Variants in NDRG2 observed in about 807,000 individuals in gnomAD.
NDRG2 encodes NDRG family member 2, also known as protein NDRG2.
A neutral mutation model predicts 58.2 loss-of-function variants in NDRG2; 34 were observed. The ratio of observed to expected loss-of-function variants is 0.58; its 90% CI spans 0.44 to 0.78. NDRG2 has a LOEUF of 0.78. Among genes scored for constraint, NDRG2 ranks in the 30% least tolerant of loss-of-function variants. NDRG2 has a pLI of 0.00. For missense variants in NDRG2, 434 were observed against 471.2 expected, an observed-to-expected ratio of 0.92 and a Z score of 0.73; for synonymous variants, 187 against 175.9, an observed-to-expected ratio of 1.06 and a Z score of -0.50.
chr14:21,037,068 T>C (rs1008498190), intron 1 of NDRG2, among the ~76,000 whole-genome samples: 8 of 152,088 alleles, frequency 5.3e-5, no homozygotes, highest in Non-Finnish European at 1.0e-4. Context: ...TTTTTATACC[T>C]TTTGTTCTTC....
At chr14:21,043,085 G>A (rs372394476) in intron 1 of NDRG2, 3 of 1,614,060 alleles carry the variant, frequency 1.9e-6, no homozygotes, top group Non-Finnish European at 2.5e-6. Context: ...CCAAGCCCAA[G>A]GGCATGACCT....
chr14:21,026,890 G>A (rs1056913013), upstream of NDRG2, among the ~76,000 whole-genome samples: 1 of 152,174 alleles, frequency 6.6e-6, no homozygotes, highest in Admixed American at 6.5e-5. Context: ...CCAAAGGTGC[G>A]CAAGACAGGA....
intron 1 of NDRG2, among the ~76,000 whole-genome samples, chr14:21,042,594 G>A (rs1884950248): frequency 2.0e-5 from 3 of 152,050 alleles, no homozygotes; most frequent in Admixed American, 1.3e-4. Context: ...AGGGGAGAGT[G>A]ATGTTGGGGA....
intron 10 of NDRG2, 62 bp from the exon 11 acceptor site, chr14:21,019,222 C>A: frequency 7.2e-7 from 1 of 1,387,726 alleles, no homozygotes; most frequent in Non-Finnish European, 1.0e-6. Flanking sequence ...CAGATATAAG[C>A]TATCTCTCCC....
rs1225779114 is a variant in NDRG2, at chr14:21,023,264, C to T, written c.52G>A (p.Gly18Arg). 1.2e-6 allele frequency: 2 copies of T among 1,613,908 alleles called. No homozygotes were observed. Among genetic ancestry groups the T allele is most frequent in the African/African-American group, 2.7e-5 (2 of 74,926 alleles). The change falls in exon 2 of 16, where the codon GGA (glycine) becomes AGA (arginine). Residue 18 changes from glycine to arginine, a missense_variant. Transcript: ENST00000556147. ...QITEEKPLLP[G>R]QTPEAAKEAE... is the part of the protein sequence containing the mutation. ...ACCTTGGCCGCCTCAGGCGTCTGTCCTGGCAACAGTGGCTTCTCCTCTGTG... is the reference window on the plus strand; with the variant it reads ...ACCTTGGCCGCCTCAGGCGTCTGTCTTGGCAACAGTGGCTTCTCCTCTGTG...
In NDRG2 at chr14:21,020,985, C is replaced by T. The variant is rs547517592; in HGVS notation, c.408-141G>A. On this transcript the variant is annotated intron_variant, in intron 6 of 15. Transcript: ENST00000556147. ...GACACGGACCTTTCTTTGGAGGACG[C>T]GAAAAAGAAGGGCCCAAGAAGCCAA... The T allele has an allele frequency of 7.5e-5, 72 of 966,332 alleles. 1 individual carries two copies. The South Asian group carries it at 7.7e-4, about 10-fold the overall frequency. 59.9% of individuals were successfully genotyped at this position (966,332 alleles called of 1,614,324 possible).
In NDRG2 at chr14:21,070,498, G is replaced by A. The variant is rs371932097; in HGVS notation, c.24+330C>T. On this transcript the variant is annotated intron_variant, in intron 1 of 14. Transcript: ENST00000403829. This position sits in a 1 kb window ranked among gnomAD's most constrained non-coding sequence, Gnocchi z 4.7. ...CCTGGTGCCTCCCGAGCCTGCCTCG[G>A]ACTGTTCGGCCCCTCTGGGACTCTC... 3.0e-6 allele frequency: 4 copies of A among 1,345,122 alleles called. No homozygotes were observed. Among genetic ancestry groups the A allele is most frequent in the East Asian group, 2.8e-5 (1 of 35,796 alleles). 83.3% of individuals were successfully genotyped at this position (1,345,122 alleles called of 1,614,324 possible).
chr14:21,051,034 T>A (rs1293378866), intron 1 of NDRG2, among the ~76,000 whole-genome samples: 3 of 152,248 alleles, frequency 2.0e-5, no homozygotes, highest in Non-Finnish European at 4.4e-5. Flanking sequence ...AATAATGCCT[T>A]AAATTACTCC....
At chr14:21,030,398 G>T, upstream of NDRG2, 1 of 619,960 alleles carries the variant, frequency 1.6e-6, no homozygotes, top group Non-Finnish European at 2.8e-6. Flanking sequence ...TCATGCTGTA[G>T]TTGCGTAGGT....
intron 1 of NDRG2, among the ~76,000 whole-genome samples, chr14:21,063,534 A>C (rs115343296): frequency 0.018 from 2,731 of 151,400 alleles, 82 homozygotes; most frequent in African/African-American, 0.063. Context: ...CACTAAGTAC[A>C]AAAAAAAAGG....
intron 1 of NDRG2, among the ~76,000 whole-genome samples, chr14:21,064,172 G>C (rs990613058): frequency 9.9e-5 from 15 of 152,158 alleles, no homozygotes; most frequent in South Asian, 6.2e-4. Flanking sequence ...ATAATTCAAA[G>C]TGCGGAGGAG....
intron 1 of NDRG2, chr14:21,057,873 C>T (rs2139149701): frequency 6.2e-7 from 1 of 1,605,264 alleles, no homozygotes; most frequent in African/African-American, 1.3e-5. Context: ...CACTCTGTTC[C>T]ACTGTCTCCC....
At chr14:21,049,876 A>C (rs1885390245) in intron 1 of NDRG2, among the ~76,000 whole-genome samples, 1 of 151,894 alleles carries the variant, frequency 6.6e-6, no homozygotes. Flanking sequence ...TCCCAGGTTC[A>C]AGCGATTCAC....
At chr14:21,019,229 TC>T in intron 10 of NDRG2, 69 bp from the exon 11 acceptor site, 1 of 1,355,722 alleles carries the variant, frequency 7.4e-7, no homozygotes. Flanking sequence ...AAGCTATCTC[TC>T]CCATGATGGA....
At chr14:21,060,524 C>T (rs1213190497) in intron 1 of NDRG2, among the ~76,000 whole-genome samples, 1 of 152,224 alleles carries the variant, frequency 6.6e-6, no homozygotes, top group Non-Finnish European at 1.5e-5. Flanking sequence ...TTTCTTCCCA[C>T]ACTGTACTCT....
intron 1 of NDRG2, among the ~76,000 whole-genome samples, chr14:21,042,663 G>A (rs1028546916): frequency 1.3e-5 from 2 of 152,128 alleles, no homozygotes; most frequent in Non-Finnish European, 2.9e-5. Flanking sequence ...GGGAGAGGAT[G>A]AGACACAGAC....
intron 1 of NDRG2, chr14:21,058,539 G>T: frequency 1.7e-6 from 1 of 589,476 alleles, no homozygotes; most frequent in South Asian, 2.1e-5. Flanking sequence ...GAAAGAAGAG[G>T]GCAGATTCTC....
At chr14:21,033,247 A>G in intron 1 of NDRG2, 1 of 316,670 alleles carries the variant, frequency 3.2e-6, no homozygotes, top group Non-Finnish European at 6.1e-6. Context: ...TGAAGGGAGA[A>G]ACCATGATTT....
At chr14:21,049,796 G>A (rs1296290997) in intron 1 of NDRG2, among the ~76,000 whole-genome samples, 2 of 143,022 alleles carry the variant, frequency 1.4e-5, no homozygotes, top group African/African-American at 2.6e-5. Flanking sequence ...ATAGAGTCTT[G>A]CTCTGTCACC....
Sources: gnomAD v4.1 joint callset for allele counts (sites outside exome capture counted in the v4.1 genomes callset) on GRCh38, gnomAD v4.1.1 for gene constraint, Gnocchi (gnomAD v3.1) non-coding constraint, MANE v1.5 for transcripts, NCBI Gene and HGNC (gene_info 2026-07-23, HGNC 2026-07-21) for gene names.